The following SNX18 variants were observed in gnomAD, a reference collection of about 807,000 sequenced individuals.
SNX18 encodes the protein sorting nexin-18.
Under a neutral mutation model 48.7 loss-of-function variants are expected in SNX18, and 35 were observed. That is an observed-to-expected ratio of 0.72 (90% CI 0.55 to 0.95). SNX18 has a LOEUF of 0.95. Among genes scored for constraint, SNX18 ranks in the 40% least tolerant of loss-of-function variants. The pLI is 0.00. For synonymous variants in SNX18, 492 were observed against 384.7 expected, an observed-to-expected ratio of 1.28 and a Z score of -3.26; for missense variants, 824 against 871.0, an observed-to-expected ratio of 0.95 and a Z score of 0.68.
the SNX18 span, among the ~76,000 whole-genome samples, chr5:54,608,775 T>G: frequency 6.6e-6 from 1 of 152,340 alleles, no homozygotes; most frequent in Non-Finnish European, 1.5e-5. Context: ...CACTTTATTT[T>G]CTTTAAATCA....
At chr5:54,631,012 G>A in the SNX18 span, among the ~76,000 whole-genome samples, 4 of 152,034 alleles carry the variant, frequency 2.6e-5, no homozygotes, top group Middle Eastern at 3.2e-3. Context: ...ACCTACAGAG[G>A]CAAAAATGAA....
the SNX18 span, among the ~76,000 whole-genome samples, chr5:54,621,603 A>T: frequency 6.6e-6 from 1 of 152,204 alleles, no homozygotes; most frequent in Non-Finnish European, 1.5e-5. Flanking sequence ...GATGTTTCTC[A>T]ACAGGGACCT....
chr5:54,518,111 C>G lies in SNX18; in HGVS notation c.159C>G (p.Ala53=), dbSNP rs759902971. 1 of 1,500,382 alleles carries G rather than the reference C, an allele frequency of 6.7e-7. No homozygotes were observed. Among genetic ancestry groups the G allele is most frequent in the Non-Finnish European group, 8.8e-7 (1 of 1,130,766 alleles). The allele number at this position is 1,500,382 out of a possible 1,614,324, so 92.9% of individuals were successfully genotyped here. A position where few individuals can be genotyped will look rare whatever the true frequency, so the allele number is the denominator to read the frequency against. The change falls in exon 1 of 2, where the codon GCC becomes GCG. Residue 53 remains alanine, a synonymous_variant. Coordinates refer to ENST00000381410, the MANE Select transcript of SNX18 (RefSeq NM_001102575.2). Reference sequence around the variant, plus strand: ...GCGGCGACCGCGGCCTCTTCCCGGCCTCCTATGTGCAGGTGATCCGCGCCC... The same window carrying G: ...GCGGCGACCGCGGCCTCTTCCCGGCGTCCTATGTGCAGGTGATCCGCGCCC... The part of the protein sequence containing the change: ...NSRGDRGLFP[A]SYVQVIRAPE...
intron 1 of SNX18, among the ~76,000 whole-genome samples, chr5:54,538,166 G>C (rs1341593705): frequency 6.6e-6 from 1 of 152,184 alleles, no homozygotes; most frequent in African/African-American, 2.4e-5. Flanking sequence ...TCAACTGTAA[G>C]AACCCAATCA....
chr5:54,517,779 G>T lies in SNX18; in HGVS notation c.-174G>T, dbSNP rs1293911352. The T allele has an allele frequency of 4.0e-6, 2 of 503,660 alleles. No homozygotes were observed. Among genetic ancestry groups the T allele is most frequent in the Non-Finnish European group, 6.0e-6 (2 of 335,404 alleles). 31.2% of individuals were successfully genotyped at this position (503,660 alleles called of 1,614,324 possible). ...GCGGCAGTCGGCGCTGCGAAGTGGA[G>T]GCGCTGCGAGCGGAGCCGCGCGGAG... On this transcript the variant is annotated 5_prime_UTR_variant, in exon 1 of 2. It adds an upstream start codon to the 5' untranslated region. Coordinates refer to ENST00000381410, the MANE Select transcript of SNX18 (RefSeq NM_001102575.2).
the SNX18 span, among the ~76,000 whole-genome samples, chr5:54,587,776 A>G: frequency 1.7e-4 from 26 of 152,302 alleles, no homozygotes; most frequent in Admixed American, 1.2e-3. Flanking sequence ...TAGAGACTAC[A>G]AGTGGTCACC....
the SNX18 span, among the ~76,000 whole-genome samples, chr5:54,552,020 CCT>C: frequency 6.6e-6 from 1 of 152,212 alleles, no homozygotes; most frequent in African/African-American, 2.4e-5. Context: ...TTCACAAAGA[CCT>C]CTGTGCTAGT....
the SNX18 span, among the ~76,000 whole-genome samples, chr5:54,575,744 G>A: frequency 6.6e-6 from 1 of 151,986 alleles, no homozygotes; most frequent in Non-Finnish European, 1.5e-5. Context: ...CATACCAGGA[G>A]AGAACACCCT....
chr5:54,586,477 A>G, the SNX18 span, among the ~76,000 whole-genome samples: 1 of 152,184 alleles, frequency 6.6e-6, no homozygotes, highest in Non-Finnish European at 1.5e-5. Flanking sequence ...TCATGGTTCT[A>G]GAGGCTGGAA....
chr5:54,555,843 A>G, the SNX18 span, among the ~76,000 whole-genome samples: 4 of 151,962 alleles, frequency 2.6e-5, no homozygotes. Context: ...AAAAAAAAGA[A>G]AAAAGAATAA....
chr5:54,525,545 T>G (rs1762114786), intron 1 of SNX18, among the ~76,000 whole-genome samples: 1 of 152,208 alleles, frequency 6.6e-6, no homozygotes, highest in Non-Finnish European at 1.5e-5. Flanking sequence ...CGCCCTGTAT[T>G]GCACACCGGA....
the SNX18 span, among the ~76,000 whole-genome samples, chr5:54,598,698 A>C: frequency 4.6e-5 from 7 of 152,180 alleles, no homozygotes; most frequent in East Asian, 1.4e-3. Flanking sequence ...TTGTTAAAAA[A>C]CTCTCAATAA....
At chr5:54,610,561 T>C in the SNX18 span, among the ~76,000 whole-genome samples, 6 of 152,210 alleles carry the variant, frequency 3.9e-5, no homozygotes. Flanking sequence ...TGGCCATATT[T>C]TCTTTTGCAA....
In SNX18 at chr5:54,518,367, C is replaced by T; in HGVS notation, c.415C>T (p.Gln139Ter). The change falls in exon 1 of 2, where the codon CAG (glutamine) becomes TAG (stop). Residue 139 changes from glutamine to a stop codon, truncating the protein, a stop_gained. Transcript: ENST00000381410. LOFTEE classifies it high-confidence loss of function. ...GGGALQPSPQ[Q>*]LYGGYQASQG... ...GGGCGCCCTGCAGCCGTCGCCTCAG[C>T]AGCTCTACGGCGGCTACCAGGCCAG... 1.9e-6 allele frequency: 3 copies of T among 1,557,648 alleles called. No individual in the cohort carries two copies. Among genetic ancestry groups the T allele is most frequent in the Non-Finnish European group, 2.6e-6 (3 of 1,153,532 alleles).
the SNX18 span, among the ~76,000 whole-genome samples, chr5:54,573,649 T>C: frequency 4.6e-5 from 7 of 152,236 alleles, no homozygotes; most frequent in Middle Eastern, 3.4e-3. Context: ...CTGTCGGGTG[T>C]CAGGCTAAGG....
At chr5:54,642,999 T>C in the SNX18 span, among the ~76,000 whole-genome samples, 2 of 152,204 alleles carry the variant, frequency 1.3e-5, no homozygotes, top group African/African-American at 4.8e-5. Context: ...TTAGGTCCTG[T>C]TTATGATTTG....
At chr5:54,553,463 G>T in the SNX18 span, among the ~76,000 whole-genome samples, 1 of 152,118 alleles carries the variant, frequency 6.6e-6, no homozygotes, top group Non-Finnish European at 1.5e-5. Flanking sequence ...TCTGTATTCT[G>T]TGCGTCCACA....
chr5:54,558,711 G>A, the SNX18 span, among the ~76,000 whole-genome samples: 132 of 152,224 alleles, frequency 8.7e-4, no homozygotes, highest in African/African-American at 3.1e-3. Context: ...TTCCTACTGG[G>A]TTTTATACTT....
At chr5:54,568,082 G>T in the SNX18 span, among the ~76,000 whole-genome samples, 1 of 151,950 alleles carries the variant, frequency 6.6e-6, no homozygotes, top group Non-Finnish European at 1.5e-5. Flanking sequence ...AAACACTTTT[G>T]TGTGTGTGTG....
Sources: gnomAD v4.1 joint callset for allele counts (sites outside exome capture counted in the v4.1 genomes callset) on GRCh38, gnomAD v4.1.1 for gene constraint, MANE v1.5 for transcripts, NCBI Gene and HGNC (gene_info 2026-07-23, HGNC 2026-07-21) for gene names.